MYH4: variants seen among roughly 807,000 people sequenced by gnomAD.
MYH4 encodes the protein myosin-4.
In MYH4, 200 loss-of-function variants were observed where a neutral mutation model predicts 229.9. That is an observed-to-expected ratio of 0.87 (90% CI 0.78 to 0.98). The LOEUF is 0.98. MYH4 is among the 50% of genes least tolerant of loss of function. The pLI is 0.00. For synonymous variants in MYH4, 761 were observed against 834.6 expected, an observed-to-expected ratio of 0.91 and a Z score of 1.52; for missense variants, 2,148 against 2,332.6, an observed-to-expected ratio of 0.92 and a Z score of 1.63.
chr17:10,453,860 T>G lies in MYH4; in HGVS notation c.2717A>C (p.Glu906Ala), dbSNP rs1254910592. Residue 906 changes from glutamate (E) to alanine (A), a missense_variant, in exon 23 of 40, where the codon GAG becomes GCG. Coordinates refer to ENST00000255381, the MANE Select transcript of MYH4 (RefSeq NM_017533.2). ...QAEADALADA[E>A]ERCDQLIKTK... ...TTTAATCAACTGATCACATCTTTCC[T>G]CTGCATCAGCCAAGGCATCTGCTTC... is the stretch of plus-strand genomic sequence containing the variant. 1 of 1,614,160 alleles carries G rather than the reference T, an allele frequency of 6.2e-7. No individual in the cohort carries two copies. The highest frequency in any genetic ancestry group is 1.1e-5 in the South Asian group (1 of 91,088).
At position 10,453,665 on chromosome 17, in the gene MYH4, T is replaced by G; in HGVS notation, c.2912A>C (p.Glu971Ala). ...LELTLAKVEK[E>A]KHATENKVKN... ...TACCTTGTTCTCTGTGGCATGTTTC[T>G]CCTTCTCAACCTTGGCCAGTGTCAG... Residue 971 changes from glutamate (E) to alanine (A), a missense_variant, in exon 23 of 40, where the codon GAG (glutamate) becomes GCG (alanine). Coordinates refer to ENST00000255381, the MANE Select transcript of MYH4 (RefSeq NM_017533.2). 6.2e-7 allele frequency: 1 copy of G among 1,614,150 alleles called. No homozygotes were observed. The highest frequency in any genetic ancestry group is 8.5e-7 in the Non-Finnish European group (1 of 1,180,016).
chr17:10,450,993 G>GA, intron 28 of MYH4, 98 bp from the exon 29 acceptor site: 5 of 1,052,790 alleles, frequency 4.7e-6, no homozygotes, highest in Middle Eastern at 2.1e-4. Flanking sequence ...TTCATATGAT[G>GA]AAAAAACCCC....
intron 16 of MYH4, 113 bp downstream of exon 16, chr17:10,457,307 A>G: frequency 8.7e-7 from 1 of 1,150,320 alleles, no homozygotes; most frequent in Non-Finnish European, 1.2e-6. Flanking sequence ...TTCATTAGGC[A>G]TGTATTGGCC....
chr17:10,443,586 G>A lies in MYH4; in HGVS notation c.5668-59C>T, dbSNP rs2072480129. 6.5e-7 allele frequency: 1 copy of A among 1,541,594 alleles called. No homozygotes were observed. The highest frequency in any genetic ancestry group is 1.2e-5 in the South Asian group (1 of 83,062). On this transcript the variant is annotated intron_variant, in intron 39 of 39. Coordinates refer to ENST00000255381, the MANE Select transcript of MYH4 (RefSeq NM_017533.2). This position sits in a 1 kb window ranked among gnomAD's most constrained non-coding sequence, Gnocchi z 4.6. ...AATTGGACATTTCCTGATTGTTATT[G>A]CTTTTGTTACTTCAGGATTTGCCTC... is the stretch of plus-strand genomic sequence containing the variant.
At chr17:10,462,471 A>G (rs183791998) in intron 11 of MYH4, among the ~76,000 whole-genome samples, 20 of 152,324 alleles carry the variant, frequency 1.3e-4, no homozygotes, top group African/African-American at 3.6e-4. Context: ...ATGTGACTGT[A>G]GAAGAACAGT....
At chr17:10,467,466 C>G (rs1222707688) in intron 2 of MYH4, among the ~76,000 whole-genome samples, 1 of 152,080 alleles carries the variant, frequency 6.6e-6, no homozygotes, top group Non-Finnish European at 1.5e-5. Flanking sequence ...ATTAAAATCT[C>G]CTTTATTAGT....
In MYH4 at chr17:10,444,802, G is replaced by A; in HGVS notation, c.5564C>T (p.Thr1855Ile). 1 of 1,614,038 alleles carries A rather than the reference G, an allele frequency of 6.2e-7. No individual in the cohort carries two copies. The highest frequency in any genetic ancestry group is 8.5e-7 in the Non-Finnish European group (1 of 1,179,956). Residue 1855 changes from threonine (T) to isoleucine (I), a missense_variant, in exon 38 of 40, where the codon ACT becomes ATT. Transcript: ENST00000255381. ...RKHERRVKEL[T>I]YQTEEDRKNI... ...TATGAAAACACTGGTCACCTGGTAAGTGAGTTCCTTCACTCTTCTCTCATG... is the reference window on the plus strand; with the variant it reads ...TATGAAAACACTGGTCACCTGGTAAATGAGTTCCTTCACTCTTCTCTCATG...
chr17:10,456,503 T>C lies in MYH4; in HGVS notation c.1950A>G (p.Thr650=). 1 of 1,613,886 alleles carries C rather than the reference T, an allele frequency of 6.2e-7. No homozygotes were observed. The highest frequency in any genetic ancestry group is 1.1e-5 in the South Asian group (1 of 91,068). The change falls in exon 17 of 40, where the codon ACA becomes ACG. Residue 650 remains threonine, a synonymous_variant. Coordinates refer to ENST00000255381, the MANE Select transcript of MYH4 (RefSeq NM_017533.2). ...ACTGTACCCTGAAAAGAGCTGACAC[T>C]GTCTGGAAAGAAGAACCCTTCTTTT... ...GGKKKGSSFQ[T]VSALFRENLN...
intron 15 of MYH4, among the ~76,000 whole-genome samples, chr17:10,458,098 A>G (rs1404954685): frequency 6.6e-6 from 1 of 152,192 alleles, no homozygotes; most frequent in Admixed American, 6.5e-5. Context: ...AGAAGTATGA[A>G]GGGAAGAGAG....
rs1002727252 is a variant in MYH4 at position 10,448,663 on chromosome 17, G to C, written c.4486C>G (p.Leu1496Val). 1.9e-6 allele frequency: 3 copies of C among 1,613,962 alleles called. No homozygotes were observed. The highest frequency in any genetic ancestry group is 2.7e-5 in the African/African-American group (2 of 74,938). The change falls in exon 32 of 40, where the codon CTG becomes GTG. Residue 1496 changes from leucine to valine, a missense_variant. Coordinates refer to ENST00000255381, the MANE Select transcript of MYH4 (RefSeq NM_017533.2). ...FKVKNAYEES[L>V]DHLETLKREN... Reference sequence around the variant, plus strand: ...CGCTTTAGAGTTTCAAGATGATCCAGGGATTCCTCGTAGGCATTCTTCACC... The same window carrying C: ...CGCTTTAGAGTTTCAAGATGATCCACGGATTCCTCGTAGGCATTCTTCACC...
chr17:10,454,487 T>C (rs555278096), intron 22 of MYH4, 68 bp downstream of exon 22: 1 of 1,554,468 alleles, frequency 6.4e-7, no homozygotes, highest in Non-Finnish European at 8.7e-7. Context: ...AATGTTTCAG[T>C]GGAAACCATT....
In MYH4 at chr17:10,453,776, T is replaced by C; in HGVS notation, c.2801A>G (p.Glu934Gly). The change falls in exon 23 of 40, where the codon GAA becomes GGA. Residue 934 changes from glutamate to glycine, a missense_variant. Physicochemically the swap from Glu to Gly is moderately conservative, Grantham distance 98 (BLOSUM62 -2). Transcript: ENST00000255381. ...KEVTERAEDEEEINAELTAKK... is the reference protein window; with the variant it reads ...KEVTERAEDEGEINAELTAKK... ...GGCTGTCAGCTCAGCATTGATCTCT[T>C]CCTCATCCTCAGCTCTTTCAGTTAC... 6.2e-7 allele frequency: 1 copy of C among 1,614,130 alleles called. No individual in the cohort carries two copies.
In MYH4 at chr17:10,443,447, A is replaced by C. The variant is rs745984767; in HGVS notation, c.5748T>G (p.Ile1916Met). 2.2e-5 allele frequency: 36 copies of C among 1,614,124 alleles called. No homozygotes were observed. Among genetic ancestry groups the C allele is most frequent in the Non-Finnish European group, 3.0e-5 (35 of 1,179,986 alleles). Residue 1916 changes from isoleucine to methionine, a missense_variant, in exon 40 of 40, where the codon ATT becomes ATG. Ile to Met is a conservative substitution (Grantham distance 10). Coordinates refer to ENST00000255381, the MANE Select transcript of MYH4 (RefSeq NM_017533.2). The surrounding 1 kb of genome is among the most constrained non-coding windows in gnomAD (Gnocchi z 4.6). The part of the protein sequence containing the change: ...ELEEAKERAD[I>M]AESQVNKLRV... ...TCAGCTTGTTGACTTGGGACTCAGC[A>C]ATGTCAGCCCGTTCCTTGGCCTCCT...
rs1481701221 is a variant in MYH4, at chr17:10,448,089, A to G, written c.4694T>C (p.Ile1565Thr). The G allele has an allele frequency of 6.2e-7, 1 of 1,613,868 alleles. No individual in the cohort carries two copies. The change falls in exon 34 of 40, where the codon ATT becomes ACT. Residue 1565 changes from isoleucine (I) to threonine (T), a missense_variant. Ile to Thr is a moderately conservative substitution (Grantham distance 89). Coordinates refer to ENST00000255381, the MANE Select transcript of MYH4 (RefSeq NM_017533.2). ...LEHEEGKILRIQLELNQVKSE... is the reference protein window; with the variant it reads ...LEHEEGKILRTQLELNQVKSE... The stretch of plus-strand genomic sequence containing the variant: ...TTTCACCTGATTTAGCTCAAGTTGA[A>G]TGCGAAGAATTTTGCCTTCTTCATG...
At chr17:10,460,430 A>G in intron 12 of MYH4, 109 bp from the exon 13 acceptor site, 1 of 868,098 alleles carries the variant, frequency 1.2e-6, no homozygotes, top group Non-Finnish European at 1.8e-6. Flanking sequence ...AGATGTGCAA[A>G]TGTCATTGAA....
chr17:10,457,570 C>G lies in MYH4; in HGVS notation c.1747G>C (p.Val583Leu). Residue 583 changes from valine (V) to leucine (L), a missense_variant, in exon 16 of 40, where the codon GTG becomes CTG. Val to Leu is a conservative substitution (Grantham distance 32). Transcript: ENST00000255381. ...TAGTCCACGGTGCCGGCATAGTGCA[C>G]CAGTGAGAAGTGAGCCTCAGGCTTG... is the stretch of plus-strand genomic sequence containing the variant. ...KGKPEAHFSL[V>L]HYAGTVDYNI... is the part of the protein sequence containing the mutation. The G allele has an allele frequency of 6.2e-7, 1 of 1,614,162 alleles. No individual in the cohort carries two copies. Among genetic ancestry groups the G allele is most frequent in the Non-Finnish European group, 8.5e-7 (1 of 1,180,036 alleles).
chr17:10,454,546 A>G lies in MYH4; in HGVS notation c.2691+9T>C. The G allele has an allele frequency of 1.9e-6, 3 of 1,613,300 alleles. No individual in the cohort carries two copies. Among genetic ancestry groups the G allele is most frequent in the Non-Finnish European group, 2.5e-6 (3 of 1,179,854 alleles). ...AAGATGTGGCTGAACTGCAATGTATAATACTTACAGCTTGAACTTGGAGTT... is the reference window on the plus strand; with the variant it reads ...AAGATGTGGCTGAACTGCAATGTATGATACTTACAGCTTGAACTTGGAGTT... On this transcript the variant is annotated intron_variant, in intron 22 of 39. Transcript: ENST00000255381.
Position 10,457,526 on chromosome 17 carries a change from C to G in MYH4, c.1791G>C (p.Leu597=), listed in dbSNP as rs756954435. The G allele has an allele frequency of 1.9e-6, 3 of 1,614,200 alleles. No homozygotes were observed. The South Asian group carries it at 3.3e-5, about 18-fold the overall frequency. Residue 597 remains leucine (L), a synonymous_variant, in exon 16 of 40, where the codon CTG becomes CTC. Transcript: ENST00000255381. ...CATTCAGGGGGTCCTTGTTTTTGTCCAGCCAGCCGGCGATGTTGTAGTCCA... is the reference window on the plus strand; with the variant it reads ...CATTCAGGGGGTCCTTGTTTTTGTCGAGCCAGCCGGCGATGTTGTAGTCCA... ...GTVDYNIAGW[L]DKNKDPLNET...
Position 10,453,346 on chromosome 17 carries a change from T to C in MYH4, c.2935-18A>G. 1 of 1,613,980 alleles carries C rather than the reference T, an allele frequency of 6.2e-7. No individual in the cohort carries two copies. Among genetic ancestry groups the C allele is most frequent in the African/African-American group, 1.3e-5 (1 of 74,994 alleles). ...TTTTTCACCTTTAGATTAGAACAGA[T>C]GACCAGAATGTCAATGACAACGTAT... On this transcript the variant is annotated intron_variant, in intron 23 of 39. Coordinates refer to ENST00000255381, the MANE Select transcript of MYH4 (RefSeq NM_017533.2).
Sources: gnomAD v4.1 joint callset for allele counts (sites outside exome capture counted in the v4.1 genomes callset) on GRCh38, gnomAD v4.1.1 for gene constraint, Gnocchi (gnomAD v3.1) non-coding constraint, MANE v1.5 for transcripts, NCBI Gene and HGNC (gene_info 2026-07-23, HGNC 2026-07-21) for gene names.